The following FAM13A variants were observed in gnomAD, a reference collection of about 807,000 sequenced individuals.
FAM13A encodes the protein protein FAM13A.
A neutral mutation model predicts 129.6 loss-of-function variants in FAM13A; 76 were observed. The ratio of observed to expected loss-of-function variants is 0.59; its 90% CI spans 0.49 to 0.71. The LOEUF is 0.71. Among genes scored for constraint, FAM13A ranks in the 30% least tolerant of loss-of-function variants. The pLI, the probability that FAM13A is intolerant of heterozygous loss-of-function variation, is 0.00. For synonymous variants in FAM13A, 443 were observed against 449.9 expected, an observed-to-expected ratio of 0.98 and a Z score of 0.20; for missense variants, 1,108 against 1,249.3, an observed-to-expected ratio of 0.89 and a Z score of 1.70.
chr4:88,870,738 G>T (rs540325119), intron 6 of FAM13A, among the ~76,000 whole-genome samples: 9 of 152,200 alleles, frequency 5.9e-5, no homozygotes, highest in Admixed American at 1.3e-4. Flanking sequence ...AGACTTAAAC[G>T]TCCCTGTCTG....
chr4:88,921,854 A>C (rs1751153005), intron 5 of FAM13A, among the ~76,000 whole-genome samples: 1 of 152,134 alleles, frequency 6.6e-6, no homozygotes, highest in Non-Finnish European at 1.5e-5. Context: ...GGATGGAGGA[A>C]GATCTATCAA....
chr4:89,006,997 C>T (rs1426763820), intron 3 of FAM13A, among the ~76,000 whole-genome samples: 1 of 152,068 alleles, frequency 6.6e-6, no homozygotes, highest in East Asian at 1.9e-4. Flanking sequence ...GCAGGATAGA[C>T]CAGAAAGTAA....
intron 6 of FAM13A, among the ~76,000 whole-genome samples, chr4:88,893,727 G>C (rs562191868): frequency 4.0e-4 from 59 of 148,262 alleles, no homozygotes; most frequent in Non-Finnish European, 7.8e-4. Context: ...ACTCGGGAGG[G>C]TGAGGCAGGA....
chr4:88,834,925 G>A (rs7698655), intron 7 of FAM13A, among the ~76,000 whole-genome samples: 11,371 of 151,400 alleles, frequency 0.075, 638 homozygotes, highest in African/African-American at 0.16. Context: ...TCCCTTTCCC[G>A]CATTTAAATT....
chr4:88,784,636 A>G (rs1408487007), intron 10 of FAM13A, among the ~76,000 whole-genome samples: 1 of 152,182 alleles, frequency 6.6e-6, no homozygotes, highest in Non-Finnish European at 1.5e-5. Context: ...TTGCAGTAGG[A>G]TTTTAATATA....
intron 4 of FAM13A, among the ~76,000 whole-genome samples, chr4:88,946,432 C>T (rs906094957): frequency 7.3e-6 from 1 of 137,440 alleles, no homozygotes; most frequent in African/African-American, 2.7e-5. Context: ...TTGGTGACAC[C>T]AAAAACTTCA....
rs201023549 is a variant in FAM13A, at chr4:88,913,374, AGAG to A, written c.760-6915_760-6913del. 8.4e-3 allele frequency among the ~76,000 whole-genome samples: 1,233 copies of A among 147,300 alleles called. 1 individual carries two copies. Among genetic ancestry groups the A allele is most frequent in the African/African-American group, 0.016 (633 of 40,186 alleles). ...GAGGAGGAAGAAGAGAAGAGGAAGA[AGAG>A]GAGGAGGAGGAGGAAGACAAAGAAG... is the stretch of plus-strand genomic sequence containing the variant. On this transcript the variant is annotated intron_variant, in intron 5 of 23. Transcript: ENST00000264344.
At position 88,803,039 on chromosome 4, in the gene FAM13A, C is replaced by T. The variant is rs77363882; in HGVS notation, c.1049+1972G>A. Among the ~76,000 whole-genome samples the T allele has an allele frequency of 3.7e-3, 558 of 152,198 alleles. 4 individuals are homozygous for T. Among genetic ancestry groups the T allele is most frequent in the African/African-American group, 0.013 (534 of 41,556 alleles). On this transcript the variant is annotated intron_variant, in intron 8 of 23. Coordinates refer to ENST00000264344, the MANE Select transcript of FAM13A (RefSeq NM_014883.4). ...GGACCTTTCAGAATTAACCACCAAACTGAATATGCCATTGCTGACCAGCTT... is the reference window on the plus strand; with the variant it reads ...GGACCTTTCAGAATTAACCACCAAATTGAATATGCCATTGCTGACCAGCTT...
rs577264531 is a variant in FAM13A at position 88,873,547 on chromosome 4, T to C, written c.844-22364A>G. Reference sequence around the variant, plus strand: ...AATAAACTAGAAAATCTAGAAGAAATGGATAAATTCTTGGACACATACAGC... The same window carrying C: ...AATAAACTAGAAAATCTAGAAGAAACGGATAAATTCTTGGACACATACAGC... On this transcript the variant is annotated intron_variant, in intron 6 of 23. Coordinates refer to ENST00000264344, the MANE Select transcript of FAM13A (RefSeq NM_014883.4). Among the ~76,000 whole-genome samples the C allele has an allele frequency of 7.9e-5, 12 of 152,186 alleles. No homozygotes were observed. In the East Asian group the frequency reaches 1.9e-3, roughly 25 times the overall value.
intron 4 of FAM13A, among the ~76,000 whole-genome samples, chr4:88,978,619 C>T (rs1221551318): frequency 1.3e-5 from 2 of 152,038 alleles, no homozygotes; most frequent in Non-Finnish European, 2.9e-5. Context: ...ACGGTGAAAC[C>T]CCGTCTTTAC....
chr4:88,930,040 T>C (rs1425443504), intron 5 of FAM13A, among the ~76,000 whole-genome samples: 1 of 152,192 alleles, frequency 6.6e-6, no homozygotes, highest in African/African-American at 2.4e-5. Flanking sequence ...AGCTCATTTT[T>C]TTTTTAAGAT....
chr4:89,017,859 G>A (rs568717131), intron 3 of FAM13A, among the ~76,000 whole-genome samples: 2 of 151,950 alleles, frequency 1.3e-5, no homozygotes, highest in Non-Finnish European at 2.9e-5. Flanking sequence ...AGCAAGCCTC[G>A]AACATGTCAC....
At chr4:88,884,619 A>G (rs1744115009) in intron 6 of FAM13A, among the ~76,000 whole-genome samples, 1 of 152,142 alleles carries the variant, frequency 6.6e-6, no homozygotes, top group Non-Finnish European at 1.5e-5. Flanking sequence ...CTTCACTTCT[A>G]TTCAACATAG....
At chr4:89,032,336 G>C (rs1768808482) in intron 1 of FAM13A, among the ~76,000 whole-genome samples, 2 of 152,184 alleles carry the variant, frequency 1.3e-5, no homozygotes, top group African/African-American at 4.8e-5. Flanking sequence ...TGCATCACTT[G>C]AGTGTGAAGA....
chr4:88,875,973 G>T (rs1446947814), intron 6 of FAM13A, among the ~76,000 whole-genome samples: 2 of 152,118 alleles, frequency 1.3e-5, no homozygotes, highest in African/African-American at 4.8e-5. Flanking sequence ...AAAAAAGGAT[G>T]AATTCATGTC....
In FAM13A at chr4:88,851,190, G is replaced by GAA. The variant is rs527412194; in HGVS notation, c.844-9_844-8dup. On this transcript the variant is annotated splice_region_variant and splice_polypyrimidine_tract_variant and intron_variant, in intron 6 of 23. Coordinates refer to ENST00000264344, the MANE Select transcript of FAM13A (RefSeq NM_014883.4). ...CACTCCTGGATTTTGGGATCTAGAA[G>GAA]AAAAAAAAAAGAGGGGTGGGGGAGA... is the stretch of plus-strand genomic sequence containing the variant. 5.3e-5 allele frequency: 69 copies of GAA among 1,311,828 alleles called. No individual in the cohort carries two copies. Among genetic ancestry groups the GAA allele is most frequent in the Admixed American group, 1.9e-4 (8 of 41,156 alleles). The allele number at this position is 1,311,828 out of a possible 1,614,324, so 81.3% of individuals were successfully genotyped here. A position where few individuals can be genotyped will look rare whatever the true frequency, so the allele number is the denominator to read the frequency against.
At chr4:88,981,004 A>G (rs1046923253) in intron 4 of FAM13A, among the ~76,000 whole-genome samples, 1 of 152,240 alleles carries the variant, frequency 6.6e-6, no homozygotes, top group Non-Finnish European at 1.5e-5. Context: ...CTTGGATAGA[A>G]GAATAAGTGG....
At chr4:88,843,001 TACATAGATATTTC>T (rs764132632) in intron 7 of FAM13A, among the ~76,000 whole-genome samples, 18 of 152,244 alleles carry the variant, frequency 1.2e-4, no homozygotes, top group Admixed American at 6.5e-5. Context: ...GAAAATATTT[TACATAGATATTTC>T]ACTTATATGA....
intron 11 of FAM13A, among the ~76,000 whole-genome samples, chr4:88,779,464 T>C (rs1722423756): frequency 1.3e-5 from 2 of 152,172 alleles, no homozygotes; most frequent in Admixed American, 6.5e-5. Context: ...GATTTTTAAA[T>C]TCATGGAATA....
Sources: allele counts gnomAD v4.1 joint callset (sites outside exome capture counted in the v4.1 genomes callset), GRCh38; gene constraint gnomAD v4.1.1; transcripts MANE v1.5; gene names NCBI Gene and HGNC (gene_info 2026-07-23, HGNC 2026-07-21).